HACE1: variants seen among roughly 807,000 people sequenced by gnomAD.
HACE1 encodes HECT domain and ankyrin repeat containing E3 ubiquitin protein ligase 1, also known as E3 ubiquitin-protein ligase HACE1.
A neutral mutation model predicts 118.4 loss-of-function variants in HACE1; 73 were observed. The ratio of observed to expected loss-of-function variants is 0.62; its 90% CI spans 0.51 to 0.75. HACE1 has a LOEUF of 0.75. Among genes scored for constraint, HACE1 ranks in the 30% least tolerant of loss-of-function variants. The pLI is 0.00. For synonymous variants in HACE1, 368 were observed against 374.8 expected, an observed-to-expected ratio of 0.98 and a Z score of 0.21; for missense variants, 749 against 1,102.2, an observed-to-expected ratio of 0.68 and a Z score of 4.54.
intron 6 of HACE1, among the ~76,000 whole-genome samples, chr6:104,822,837 G>A (rs1420859844): frequency 2.0e-5 from 3 of 151,612 alleles, no homozygotes; most frequent in Non-Finnish European, 2.9e-5. Flanking sequence ...AGCCTGTACC[G>A]TGTCTCCAAA....
rs1775003633 is a variant in HACE1, at chr6:104,729,760, T to A, written c.2632A>T (p.Asn878Tyr). The A allele has an allele frequency of 5.6e-6, 8 of 1,435,974 alleles. No individual in the cohort carries two copies. In the South Asian group the frequency reaches 9.1e-5, roughly 16 times the overall value. 89.0% of individuals were successfully genotyped at this position (1,435,974 alleles called of 1,614,324 possible). A position where few individuals can be genotyped will look rare whatever the true frequency, so the allele number is the denominator to read the frequency against. Residue 878 changes from asparagine (N) to tyrosine (Y), a missense_variant, in exon 24 of 24, where the codon AAC becomes TAC. This residue lies in a region of HACE1 where 165 missense variants were observed against 229.9 expected (regional missense o/e 0.72). Coordinates refer to ENST00000262903, the MANE Select transcript of HACE1 (RefSeq NM_020771.4). The part of the protein sequence containing the change: ...NLLPTSSTCI[N>Y]MLKLPEYPSK... ...GGGTATTCAGGTAACTTGAGCATGT[T>A]GATGCTTTAAAAGAAAAATATACCA...
intron 22 of HACE1, 65 bp downstream of exon 22, chr6:104,744,095 T>C: frequency 1.1e-6 from 1 of 928,438 alleles, no homozygotes; most frequent in Non-Finnish European, 1.8e-6. Flanking sequence ...ATTTTAGTTA[T>C]CTCTAAGCCA....
chr6:104,751,896 TC>T (rs67249845), intron 19 of HACE1, among the ~76,000 whole-genome samples: 32,649 of 146,138 alleles, frequency 0.22, 4,080 homozygotes, highest in African/African-American at 0.33. Context: ...CCTTTATTTT[TC>T]TTTTTTTGGC....
intron 7 of HACE1, among the ~76,000 whole-genome samples, chr6:104,802,624 T>C (rs1420658014): frequency 6.6e-6 from 1 of 152,034 alleles, no homozygotes; most frequent in East Asian, 1.9e-4. Flanking sequence ...ATTGGGTAAA[T>C]AACGAAATGA....
chr6:104,845,141 T>C (rs941346934), intron 4 of HACE1, among the ~76,000 whole-genome samples: 1 of 152,052 alleles, frequency 6.6e-6, no homozygotes, highest in Non-Finnish European at 1.5e-5. Context: ...GTTTTTGCCA[T>C]TACTTTGAAT....
chr6:104,774,312 G>A (rs1780981395), intron 17 of HACE1, among the ~76,000 whole-genome samples: 1 of 130,334 alleles, frequency 7.7e-6, no homozygotes, highest in African/African-American at 3.3e-5. Flanking sequence ...GGATGGTCTC[G>A]ATCTCCTGAC....
intron 10 of HACE1, among the ~76,000 whole-genome samples, chr6:104,794,761 C>T (rs893382770): frequency 2.0e-5 from 3 of 152,018 alleles, no homozygotes; most frequent in East Asian, 3.9e-4. Context: ...AAAAATTAGC[C>T]GGGCGTGGTG....
intron 4 of HACE1, among the ~76,000 whole-genome samples, chr6:104,844,367 A>G (rs1033479829): frequency 3.7e-5 from 4 of 107,826 alleles, no homozygotes; most frequent in African/African-American, 1.1e-4. Context: ...TTTGAGACGG[A>G]GTTTCACTCT....
At position 104,812,476 on chromosome 6, in the gene HACE1, C is replaced by A. The variant is rs560900070; in HGVS notation, c.535-1083G>T. ...AAAAACAAAATAGTTTGAAATTAGA[C>A]GCTTATTACTTCTGGATTGAACACA... On this transcript the variant is annotated intron_variant, in intron 6 of 23. Coordinates refer to ENST00000262903, the MANE Select transcript of HACE1 (RefSeq NM_020771.4). 2.6e-5 allele frequency among the ~76,000 whole-genome samples: 4 copies of A among 152,164 alleles called. No homozygotes were observed. The East Asian group carries it at 7.7e-4, about 29-fold the overall frequency.
intron 14 of HACE1, among the ~76,000 whole-genome samples, chr6:104,779,752 T>C (rs542711575): frequency 2.6e-5 from 4 of 152,216 alleles, no homozygotes; most frequent in African/African-American, 9.6e-5. Context: ...AAGGAAATTA[T>C]TAATCCTCAC....
At chr6:104,853,111 T>C (rs1337461926) in intron 1 of HACE1, among the ~76,000 whole-genome samples, 3 of 152,224 alleles carry the variant, frequency 2.0e-5, no homozygotes, top group African/African-American at 7.2e-5. Flanking sequence ...CTTTCATGAA[T>C]GGATTAATTC....
intron 6 of HACE1, among the ~76,000 whole-genome samples, chr6:104,812,903 G>C (rs947774499): frequency 1.3e-5 from 2 of 152,150 alleles, no homozygotes; most frequent in African/African-American, 4.8e-5. Flanking sequence ...TATCCAGTTA[G>C]TTACTATCCC....
intron 17 of HACE1, among the ~76,000 whole-genome samples, chr6:104,772,882 G>A (rs1420831590): frequency 6.6e-6 from 1 of 151,984 alleles, no homozygotes; most frequent in Non-Finnish European, 1.5e-5. Context: ...TGCTTAACGG[G>A]TACAGAATTT....
At chr6:104,798,098 AAAG>A (rs1769891109) in intron 7 of HACE1, among the ~76,000 whole-genome samples, 1 of 151,888 alleles carries the variant, frequency 6.6e-6, no homozygotes, top group Non-Finnish European at 1.5e-5. Flanking sequence ...GAAAGAAAGA[AAAG>A]AGAAGAAAAG....
At chr6:104,823,294 C>T (rs1772975462) in intron 6 of HACE1, among the ~76,000 whole-genome samples, 1 of 152,024 alleles carries the variant, frequency 6.6e-6, no homozygotes, top group South Asian at 2.1e-4. Context: ...ATTAGTTGGG[C>T]ATGGCAGTGG....
intron 19 of HACE1, among the ~76,000 whole-genome samples, chr6:104,762,667 C>G (rs1467511219): frequency 6.6e-6 from 1 of 152,052 alleles, no homozygotes; most frequent in African/African-American, 2.4e-5. Context: ...CCCACACATT[C>G]TGCACATGTA....
intron 1 of HACE1, among the ~76,000 whole-genome samples, chr6:104,857,595 C>T (rs1052135034): frequency 6.6e-6 from 1 of 150,588 alleles, no homozygotes; most frequent in Non-Finnish European, 1.5e-5. Flanking sequence ...TATTTAGATT[C>T]AACATTTGTT....
intron 19 of HACE1, among the ~76,000 whole-genome samples, chr6:104,755,143 T>G (rs1040626991): frequency 7.2e-5 from 11 of 151,994 alleles, no homozygotes; most frequent in Non-Finnish European, 1.6e-4. Context: ...CAACCCTAGA[T>G]TCTGACAAAA....
chr6:104,837,266 G>A (rs943279482), intron 5 of HACE1, among the ~76,000 whole-genome samples: 38 of 152,166 alleles, frequency 2.5e-4, no homozygotes, highest in Admixed American at 2.5e-3. Flanking sequence ...GAGACAGTGT[G>A]GTATTAGCAG....
Sources: allele counts gnomAD v4.1 joint callset (sites outside exome capture counted in the v4.1 genomes callset), GRCh38; gene constraint gnomAD v4.1.1; regional missense constraint gnomAD v4.1.1; transcripts MANE v1.5; gene names NCBI Gene and HGNC (gene_info 2026-07-23, HGNC 2026-07-21).